The following LARP4B variants were observed in gnomAD, a reference collection of about 807,000 sequenced individuals.
The protein encoded by LARP4B is la-related protein 4B.
A neutral mutation model predicts 89.8 loss-of-function variants in LARP4B; 12 were observed. That is an observed-to-expected ratio of 0.13 (90% confidence interval 0.09 to 0.22). The LOEUF (loss-of-function observed/expected upper bound fraction) is 0.22. Among genes scored for constraint, LARP4B ranks in the 10% least tolerant of loss-of-function variants. LARP4B has a pLI of 1.00. For synonymous variants in LARP4B, 367 were observed against 363.3 expected (o/e 1.01, Z -0.12); for missense variants, 757 against 947.7 (o/e 0.80, Z 2.64).
the LARP4B span, among the ~76,000 whole-genome samples, chr10:979,427 A>G: frequency 2.6e-5 from 4 of 152,284 alleles, no homozygotes; most frequent in Admixed American, 6.5e-5. Context: ...GCAGAATTAT[A>G]AGGAGGAGAG....
At position 822,275 on chromosome 10, in the gene LARP4B, G is replaced by C. The variant is rs1832390987; in HGVS notation, c.1485-1430C>G. ...TGTGAGACGGATGGTGTCAGCACCT[G>C]CTTGCCCAGAGGCATTGCCCTGAGC... is the stretch of plus-strand genomic sequence containing the variant. On this transcript the variant is annotated intron_variant, in intron 13 of 17. Transcript: ENST00000316157. The surrounding 1 kb of genome is among the most constrained non-coding windows in gnomAD (Gnocchi z 4.6). 6.6e-6 allele frequency among the ~76,000 whole-genome samples: 1 copy of C among 152,232 alleles called. No individual in the cohort carries two copies. Among genetic ancestry groups the C allele is most frequent in the South Asian group, 2.1e-4 (1 of 4,832 alleles).
chr10:930,367 C>G (rs985108659), intron 1 of LARP4B, among the ~76,000 whole-genome samples: 1 of 152,174 alleles, frequency 6.6e-6, no homozygotes, highest in African/African-American at 2.4e-5. Flanking sequence ...CCTGTTTTCT[C>G]AGTTATCCAA....
At chr10:891,612 ACTATT>A (rs1414051986) in intron 1 of LARP4B, among the ~76,000 whole-genome samples, 1 of 152,196 alleles carries the variant, frequency 6.6e-6, no homozygotes, top group African/African-American at 2.4e-5. Context: ...AGTTCACTAT[ACTATT>A]CTGTCTACCT....
intron 1 of LARP4B, among the ~76,000 whole-genome samples, chr10:927,730 T>C (rs190889357): frequency 6.6e-6 from 1 of 152,334 alleles, no homozygotes; most frequent in Admixed American, 6.5e-5. Flanking sequence ...ACAAGGTATT[T>C]TCCAAAAACA....
At chr10:823,593 G>A (rs879893851) in intron 13 of LARP4B, among the ~76,000 whole-genome samples, 40 of 151,240 alleles carry the variant, frequency 2.6e-4, no homozygotes, top group Non-Finnish European at 5.3e-4. Context: ...GGCTGAGGCC[G>A]GGGGGCCTTG....
chr10:918,837 G>A (rs1467263819), intron 1 of LARP4B, among the ~76,000 whole-genome samples: 1 of 152,134 alleles, frequency 6.6e-6, no homozygotes, highest in African/African-American at 2.4e-5. Context: ...AGCACTTTGG[G>A]AGGCCGAGGT....
At chr10:984,893 T>C in the LARP4B span, among the ~76,000 whole-genome samples, 2 of 152,102 alleles carry the variant, frequency 1.3e-5, no homozygotes, top group African/African-American at 4.8e-5. Flanking sequence ...GATCACACCA[T>C]TGCACTCCAG....
chr10:905,186 T>C (rs1405706991), intron 1 of LARP4B, among the ~76,000 whole-genome samples: 1 of 152,216 alleles, frequency 6.6e-6, no homozygotes, highest in Admixed American at 6.5e-5. Flanking sequence ...TATAAAAATG[T>C]CTTCCTCAAG....
At chr10:813,438 A>G (rs149032533) in intron 17 of LARP4B, among the ~76,000 whole-genome samples, 66 of 152,382 alleles carry the variant, frequency 4.3e-4, no homozygotes, top group African/African-American at 1.5e-3. Flanking sequence ...TAGAAAAGGC[A>G]TGACGAAGAA....
chr10:984,667 A>G, the LARP4B span, among the ~76,000 whole-genome samples: 2 of 152,214 alleles, frequency 1.3e-5, no homozygotes, highest in Admixed American at 6.5e-5. Flanking sequence ...TATTGACAGC[A>G]TATGACCCCA....
intron 1 of LARP4B, among the ~76,000 whole-genome samples, chr10:889,728 T>C (rs2131948774): frequency 6.6e-6 from 1 of 152,242 alleles, no homozygotes; most frequent in East Asian, 1.9e-4. Flanking sequence ...GGCGGGCGGA[T>C]CACCTGAGGT....
At chr10:944,412 T>G in the LARP4B span, among the ~76,000 whole-genome samples, 1 of 152,202 alleles carries the variant, frequency 6.6e-6, no homozygotes, top group Non-Finnish European at 1.5e-5. Context: ...AGGGGGGATC[T>G]TGGAGCTGGC....
intron 3 of LARP4B, among the ~76,000 whole-genome samples, chr10:871,098 T>C (rs1041891862): frequency 2.6e-5 from 4 of 152,242 alleles, no homozygotes; most frequent in African/African-American, 9.6e-5. Context: ...ACAGTCTCTA[T>C]GTCATCTTCA....
At chr10:843,226 C>G (rs1403681493) in intron 6 of LARP4B, among the ~76,000 whole-genome samples, 158 bp from the exon 7 acceptor site, 3 of 152,156 alleles carry the variant, frequency 2.0e-5, no homozygotes, top group African/African-American at 7.2e-5. Flanking sequence ...TCTCTCCAGC[C>G]TCAGGTACAT....
the LARP4B span, among the ~76,000 whole-genome samples, chr10:968,337 G>A: frequency 8.7e-6 from 1 of 115,004 alleles, no homozygotes; most frequent in Non-Finnish European, 2.0e-5. Flanking sequence ...CAAGCAGTTT[G>A]TGTGATAATT....
At chr10:954,465 AGGGAG>A in the LARP4B span, among the ~76,000 whole-genome samples, 3 of 152,158 alleles carry the variant, frequency 2.0e-5, no homozygotes, top group Non-Finnish European at 4.4e-5. This position sits in a 1 kb window ranked among gnomAD's most constrained non-coding sequence, Gnocchi z 5.0. Flanking sequence ...AGGCAGAGCC[AGGGAG>A]GGTAGCTGGG....
At chr10:868,271 C>T (rs1835018319) in intron 3 of LARP4B, among the ~76,000 whole-genome samples, 1 of 150,720 alleles carries the variant, frequency 6.6e-6, no homozygotes, top group Non-Finnish European at 1.5e-5. Flanking sequence ...TACAGATGCA[C>T]TAAAAAGCTT....
chr10:934,771 T>C (rs1830725979), upstream of LARP4B, among the ~76,000 whole-genome samples: 1 of 152,220 alleles, frequency 6.6e-6, no homozygotes, highest in Non-Finnish European at 1.5e-5. Flanking sequence ...TCATTTCCCA[T>C]GTCAAGTGGT....
chr10:963,918 T>G, the LARP4B span, among the ~76,000 whole-genome samples: 1 of 152,188 alleles, frequency 6.6e-6, no homozygotes, highest in Admixed American at 6.5e-5. Context: ...GCTGTTGCCT[T>G]GGGGATGAAG....
Sources: allele counts gnomAD v4.1 joint callset (sites outside exome capture counted in the v4.1 genomes callset), GRCh38; gene constraint gnomAD v4.1.1; non-coding constraint Gnocchi (gnomAD v3.1); transcripts MANE v1.5; gene names NCBI Gene and HGNC (gene_info 2026-07-23, HGNC 2026-07-21).